Variants in PDZRN3 observed in about 807,000 individuals in gnomAD.
The protein encoded by PDZRN3 is E3 ubiquitin-protein ligase PDZRN3.
A neutral mutation model predicts 85.7 loss-of-function variants in PDZRN3; 38 were observed. That is an observed-to-expected ratio of 0.44 (90% CI 0.34 to 0.58). PDZRN3 has a LOEUF of 0.58. Among genes scored for constraint, PDZRN3 ranks in the 20% least tolerant of loss-of-function variants. The pLI, the probability that PDZRN3 is intolerant of heterozygous loss-of-function variation, is 0.01. For synonymous variants in PDZRN3, 759 were observed against 638.0 expected (o/e 1.19, Z -2.86); for missense variants, 1,629 against 1,506.4 (o/e 1.08, Z -1.35).
At chr3:73,478,702 GACCA>G (rs1703505647) in intron 3 of PDZRN3, among the ~76,000 whole-genome samples, 1 of 152,134 alleles carries the variant, frequency 6.6e-6, no homozygotes, top group African/African-American at 2.4e-5. Flanking sequence ...GAAGGTTGGG[GACCA>G]CTGACTGAAA....
In PDZRN3 at chr3:73,408,438, C is replaced by T. The variant is rs546136003; in HGVS notation, c.919-4043G>A. Among the ~76,000 whole-genome samples, 32 of 152,194 alleles carry T rather than the reference C, an allele frequency of 2.1e-4. No homozygotes were observed. In the South Asian group the frequency reaches 6.4e-3, roughly 31 times the overall value. ...GGAAACAATCTATAAATCAAAGAAG[C>T]AAAACCCAGCCTAGTGAGGTGTTCT... On this transcript the variant is annotated intron_variant, in intron 3 of 9. Coordinates refer to ENST00000263666, the MANE Select transcript of PDZRN3 (RefSeq NM_015009.3).
At chr3:73,599,308 C>A (rs1168389960) in intron 3 of PDZRN3, among the ~76,000 whole-genome samples, 1 of 152,156 alleles carries the variant, frequency 6.6e-6, no homozygotes, top group Non-Finnish European at 1.5e-5. Context: ...CATGTACGAA[C>A]CTTGAGGACA....
chr3:73,484,697 T>C (rs1262433767), intron 3 of PDZRN3, among the ~76,000 whole-genome samples: 1 of 152,060 alleles, frequency 6.6e-6, no homozygotes, highest in Non-Finnish European at 1.5e-5. Flanking sequence ...AATACAGAAA[T>C]ATACTCGCTG....
Position 73,569,554 on chromosome 3 carries a change from C to T in PDZRN3, c.918+32800G>A, listed in dbSNP as rs564709152. On this transcript the variant is annotated intron_variant, in intron 3 of 9. Coordinates refer to ENST00000263666, the MANE Select transcript of PDZRN3 (RefSeq NM_015009.3). The stretch of plus-strand genomic sequence containing the variant: ...TGAAGCTTTCTCAGAAGCCTCCCAC[C>T]CCCACACCCGCACACACATTGACAG... 21 of 1,057,076 alleles carry T rather than the reference C, an allele frequency of 2.0e-5. No homozygotes were observed. In the East Asian group the frequency reaches 1.6e-3, roughly 82 times the overall value. 65.5% of individuals were successfully genotyped at this position (1,057,076 alleles called of 1,614,324 possible).
chr3:73,499,437 C>A (rs1223831974), intron 3 of PDZRN3, among the ~76,000 whole-genome samples: 2 of 152,170 alleles, frequency 1.3e-5, no homozygotes, highest in Non-Finnish European at 2.9e-5. Context: ...GGCTCTCAGA[C>A]CTGACTCACA....
chr3:73,622,372 G>A (rs1702880874), intron 1 of PDZRN3, among the ~76,000 whole-genome samples: 1 of 152,196 alleles, frequency 6.6e-6, no homozygotes, highest in Non-Finnish European at 1.5e-5. Context: ...GCAGACACAG[G>A]CCCTTGGGGG....
intron 3 of PDZRN3, among the ~76,000 whole-genome samples, chr3:73,487,840 A>G (rs1703694019): frequency 1.3e-5 from 2 of 152,316 alleles, no homozygotes. Context: ...TTGGCTGCTC[A>G]TTACTTAAAG....
intron 3 of PDZRN3, among the ~76,000 whole-genome samples, chr3:73,528,492 G>C (rs911336206): frequency 2.3e-4 from 35 of 152,194 alleles, no homozygotes; most frequent in African/African-American, 7.9e-4. Flanking sequence ...GAGAGTCTTG[G>C]GGATAAACTG....
At chr3:73,561,522 C>T (rs1575737351) in intron 3 of PDZRN3, 1 of 152,216 alleles carries the variant, frequency 6.6e-6, no homozygotes, top group Non-Finnish European at 1.5e-5. Context: ...AGAGAGACAT[C>T]TCAGGTGTAT....
chr3:73,593,545 C>T (rs1172875184), intron 3 of PDZRN3, among the ~76,000 whole-genome samples: 2 of 152,082 alleles, frequency 1.3e-5, no homozygotes, highest in Admixed American at 6.6e-5. Context: ...GATGCCTCTG[C>T]GTTTCCATAC....
intron 1 of PDZRN3, among the ~76,000 whole-genome samples, chr3:73,617,542 G>A (rs981504313): frequency 6.6e-6 from 1 of 152,140 alleles, no homozygotes; most frequent in Non-Finnish European, 1.5e-5. Context: ...GCCTACCACA[G>A]GGCCTGGCAC....
At position 73,460,580 on chromosome 3, in the gene PDZRN3, A is replaced by C. The variant is rs370358411; in HGVS notation, c.919-56185T>G. Among the ~76,000 whole-genome samples the C allele has an allele frequency of 1.1e-3, 162 of 152,358 alleles. 1 individual carries two copies. The highest frequency in any genetic ancestry group is 6.8e-3 in the Middle Eastern group (2 of 294). ...CAGGGAGTATGTCAGGTATCTGACAAATGTGGCCTCACCATTTTCTTTATG... is the reference window on the plus strand; with the variant it reads ...CAGGGAGTATGTCAGGTATCTGACACATGTGGCCTCACCATTTTCTTTATG... On this transcript the variant is annotated intron_variant, in intron 3 of 9. Transcript: ENST00000263666.
intron 3 of PDZRN3, among the ~76,000 whole-genome samples, chr3:73,492,984 C>CTTCT (rs1703800670): frequency 9.6e-6 from 1 of 104,044 alleles, no homozygotes; most frequent in East Asian, 3.2e-4. Flanking sequence ...GCTTTTCAAC[C>CTTCT]TTTTTTTTTT....
At chr3:73,429,159 C>T (rs1421233667) in intron 3 of PDZRN3, among the ~76,000 whole-genome samples, 3 of 152,188 alleles carry the variant, frequency 2.0e-5, no homozygotes, top group African/African-American at 7.2e-5. Flanking sequence ...AATCCTCCCA[C>T]CTCAGCCTCC....
chr3:73,389,291 G>A (rs1701469291), intron 7 of PDZRN3, among the ~76,000 whole-genome samples: 1 of 152,140 alleles, frequency 6.6e-6, no homozygotes. Flanking sequence ...AGGGCTCGAG[G>A]TCAAGTAATG....
chr3:73,580,125 G>C (rs1471165704), intron 3 of PDZRN3, among the ~76,000 whole-genome samples: 1 of 152,148 alleles, frequency 6.6e-6, no homozygotes, highest in African/African-American at 2.4e-5. Context: ...GGATTGAGTT[G>C]ATCTTCACTG....
chr3:73,421,648 A>G (rs1432376855), intron 3 of PDZRN3, among the ~76,000 whole-genome samples: 1 of 152,110 alleles, frequency 6.6e-6, no homozygotes, highest in Non-Finnish European at 1.5e-5. Context: ...AAAGCTACAA[A>G]ACTACTTCAA....
intron 3 of PDZRN3, among the ~76,000 whole-genome samples, chr3:73,492,785 T>A (rs1325863202): frequency 3.3e-5 from 5 of 152,204 alleles, no homozygotes; most frequent in Non-Finnish European, 5.9e-5. Flanking sequence ...TTTTGAATGT[T>A]CCCAGTGCAA....
chr3:73,581,834 C>T (rs1004490592), intron 3 of PDZRN3, among the ~76,000 whole-genome samples: 1 of 150,890 alleles, frequency 6.6e-6, no homozygotes, highest in Non-Finnish European at 1.5e-5. Flanking sequence ...CATGGTGGCT[C>T]ACATCTGTAA....
Sources: gnomAD v4.1 joint callset for allele counts (sites outside exome capture counted in the v4.1 genomes callset) on GRCh38, gnomAD v4.1.1 for gene constraint, MANE v1.5 for transcripts, NCBI Gene and HGNC (gene_info 2026-07-23, HGNC 2026-07-21) for gene names.